UBXN6: variants seen among roughly 807,000 people sequenced by gnomAD.
UBXN6 encodes the protein UBX domain-containing protein 6.
UBXN6 carries 44 observed loss-of-function variants against 51.4 expected under a neutral mutation model. That is an observed-to-expected ratio of 0.86 (90% CI 0.67 to 1.10). The LOEUF is 1.10. UBXN6 is among the 50% of genes least tolerant of loss of function. UBXN6 has a pLI of 0.00. For missense variants in UBXN6, 672 were observed against 596.1 expected (o/e 1.13, Z -1.32); for synonymous variants, 316 against 263.2 (o/e 1.20, Z -1.94).
At chr19:4,452,906 G>T (rs1974678847) in intron 3 of UBXN6, among the ~76,000 whole-genome samples, 1 of 152,206 alleles carries the variant, frequency 6.6e-6, no homozygotes, top group Non-Finnish European at 1.5e-5. Context: ...TAAGGTCCCT[G>T]CGTGCTAAAA....
At position 4,457,715 on chromosome 19, in the gene UBXN6, C is replaced by G. The variant is rs536751442; in HGVS notation, c.-18G>C. ...TTCTTCATGGTGGCGGCTGGCCCGG[C>G]GGCGGGGGGCCGCGGGGGCGGGGGG... On this transcript the variant is annotated 5_prime_UTR_variant, in exon 1 of 11. Coordinates refer to ENST00000301281, the MANE Select transcript of UBXN6 (RefSeq NM_025241.3). 579 of 1,396,552 alleles carry G rather than the reference C, an allele frequency of 4.1e-4. 2 individuals carry two copies. The African/African-American group carries it at 8.8e-3, about 21-fold the overall frequency. The allele number at this position is 1,396,552 out of a possible 1,614,324, so 86.5% of individuals were successfully genotyped here. A position where few individuals can be genotyped will look rare whatever the true frequency, so the allele number is the denominator to read the frequency against.
At chr19:4,448,445 C>A (rs1380925001) in intron 4 of UBXN6, 30 bp from the exon 5 acceptor site, 2 of 1,569,600 alleles carry the variant, frequency 1.3e-6, no homozygotes, top group East Asian at 2.3e-5. Context: ...GAAAGCCACT[C>A]ACTGAGAGCC....
Position 4,447,625 on chromosome 19 carries a change from C to T in UBXN6, c.540G>A (p.Lys180=). The T allele has an allele frequency of 1.9e-6, 3 of 1,613,886 alleles. No individual in the cohort carries two copies. The South Asian group carries it at 3.3e-5, about 18-fold the overall frequency. The change falls in exon 6 of 11, where the codon AAG becomes AAA. Residue 180 remains lysine (K), a splice_region_variant and synonymous_variant. Transcript: ENST00000301281. ...GGTGCAGGTGGATGTTGTCCAGGTA[C>T]CTGGGGTAGGTGGAGAAGGTGAGTG... The part of the protein sequence containing the change: ...RVKLGVDTIA[K]YLDNIHLHPE...
At chr19:4,447,954 G>A (rs1568189952) in intron 5 of UBXN6, 6 of 495,870 alleles carry the variant, frequency 1.2e-5, no homozygotes, top group East Asian at 7.2e-5. Context: ...AGTGCCAGCA[G>A]GGGGCTCCTG....
In UBXN6 at chr19:4,457,195, C is replaced by G. The variant is rs185758658; in HGVS notation, c.83+420G>C. On this transcript the variant is annotated intron_variant, in intron 1 of 10. Transcript: ENST00000301281. Reference sequence around the variant, plus strand: ...CCCCAGACAGAGCTCTCCCTCACCACCCGGCTCAGGACTCATGATCCCGTT... The same window carrying G: ...CCCCAGACAGAGCTCTCCCTCACCAGCCGGCTCAGGACTCATGATCCCGTT... 2.0e-5 allele frequency among the ~76,000 whole-genome samples: 3 copies of G among 152,248 alleles called. No individual in the cohort carries two copies. The East Asian group carries it at 5.8e-4, about 29-fold the overall frequency.
chr19:4,449,789 G>C (rs191973140), intron 4 of UBXN6: 1 of 152,054 alleles, frequency 6.6e-6, no homozygotes, highest in African/African-American at 2.4e-5. Flanking sequence ...AGGTGCTCTC[G>C]ACAGGTGGGG....
intron 2 of UBXN6, 73 bp from the exon 3 acceptor site, chr19:4,453,595 C>T (rs1974692718): frequency 6.4e-7 from 1 of 1,564,774 alleles, no homozygotes; most frequent in Non-Finnish European, 8.7e-7. Context: ...CAAGCCCCCT[C>T]ATTCCCGGGG....
rs1442788071 is a variant in UBXN6 at position 4,446,828 on chromosome 19, C to A, written c.700+8G>T. 1 of 1,614,040 alleles carries A rather than the reference C, an allele frequency of 6.2e-7. No homozygotes were observed. Among genetic ancestry groups the A allele is most frequent in the Admixed American group, 1.7e-5 (1 of 60,022 alleles). On this transcript the variant is annotated splice_region_variant and intron_variant, in intron 7 of 10. Transcript: ENST00000301281. ...CATTCCCTACTCAGCCAGGCCCTGT[C>A]CACTTACCCTGATCCTGGGCGGGAA...
intron 1 of UBXN6, among the ~76,000 whole-genome samples, chr19:4,456,039 G>T (rs1470051886): frequency 6.6e-6 from 1 of 151,942 alleles, no homozygotes; most frequent in Non-Finnish European, 1.5e-5. Context: ...AGGACTTGGT[G>T]CCCACCCACC....
chr19:4,451,584 A>G (rs1974654588), intron 4 of UBXN6, among the ~76,000 whole-genome samples: 1 of 152,110 alleles, frequency 6.6e-6, no homozygotes, highest in African/African-American at 2.4e-5. Flanking sequence ...GAAGTTTCTG[A>G]GAACCTATTG....
chr19:4,447,913 G>C (rs922669032), intron 5 of UBXN6: 5 of 510,272 alleles, frequency 9.8e-6, no homozygotes, highest in African/African-American at 5.8e-5. Context: ...CACAGTGCCG[G>C]AAGAGTGGAG....
rs558461737 is a variant in UBXN6, at chr19:4,446,600, G to A, written c.820C>T (p.Arg274Cys). ...EPVRAKLDRQ[R>C]RVFQPSPLAS... The stretch of plus-strand genomic sequence containing the variant: ...AGGGGCGAGGGCTGGAAGACGCGGC[G>A]CTGCCTGTCCAGCTTGGCGCGCACG... The change falls in exon 8 of 11, where the codon CGC becomes TGC. Residue 274 changes from arginine to cysteine, a missense_variant. Coordinates refer to ENST00000301281, the MANE Select transcript of UBXN6 (RefSeq NM_025241.3). The A allele has an allele frequency of 4.3e-5, 69 of 1,612,608 alleles. No individual in the cohort carries two copies. The highest frequency in any genetic ancestry group is 2.1e-4 in the South Asian group (19 of 91,068).
intron 4 of UBXN6, among the ~76,000 whole-genome samples, chr19:4,451,080 G>A (rs1451574695): frequency 2.6e-5 from 4 of 152,032 alleles, no homozygotes; most frequent in Admixed American, 6.6e-5. Flanking sequence ...ATGAAGTTTC[G>A]CTCTTGTCAC....
intron 3 of UBXN6, among the ~76,000 whole-genome samples, chr19:4,453,220 G>A (rs1018973351): frequency 6.6e-6 from 1 of 152,292 alleles, no homozygotes; most frequent in East Asian, 1.9e-4. Flanking sequence ...TAAGGGGAGG[G>A]AGCGATGGGC....
At chr19:4,457,847 G>A (rs11085075), upstream of UBXN6, 112,524 of 427,642 alleles carry the variant, frequency 0.26, 18,844 homozygotes, top group East Asian at 0.55. Context: ...CGGAAGTCCC[G>A]CCTTCCCCTG....
intron 5 of UBXN6, chr19:4,448,060 CAT>C: frequency 1.8e-6 from 1 of 561,416 alleles, no homozygotes; most frequent in Non-Finnish European, 3.2e-6. Flanking sequence ...GCCTCCTCCA[CAT>C]GTTCCCCAAG....
At chr19:4,447,475 G>A (rs1450453959) in intron 6 of UBXN6, 75 bp downstream of exon 6, 1 of 1,540,152 alleles carries the variant, frequency 6.5e-7, no homozygotes, top group African/African-American at 1.4e-5. Context: ...CGCCTGGTGT[G>A]GGCCACCACC....
At chr19:4,456,194 T>C (rs984891282) in intron 1 of UBXN6, among the ~76,000 whole-genome samples, 4 of 151,926 alleles carry the variant, frequency 2.6e-5, no homozygotes, top group African/African-American at 7.3e-5. Flanking sequence ...CTTCCTATCA[T>C]GCCCAGTCCC....
intron 10 of UBXN6, 188 bp downstream of exon 10, chr19:4,445,861 G>A (rs532149477): frequency 2.3e-5 from 25 of 1,075,516 alleles, no homozygotes; most frequent in South Asian, 8.1e-5. Flanking sequence ...AAACTGAGGC[G>A]TGGAGTAGTT....
Sources: allele counts gnomAD v4.1 joint callset (sites outside exome capture counted in the v4.1 genomes callset), GRCh38; gene constraint gnomAD v4.1.1; transcripts MANE v1.5; gene names NCBI Gene and HGNC (gene_info 2026-07-23, HGNC 2026-07-21).